The following BCO2 variants were observed in gnomAD, a reference collection of about 807,000 sequenced individuals.
The protein encoded by BCO2 is carotenoid-cleaving dioxygenase, mitochondrial.
BCO2 carries 56 observed loss-of-function variants against 65.8 expected under a neutral mutation model. The ratio of observed to expected loss-of-function variants is 0.85; its 90% CI spans 0.69 to 1.06. The LOEUF (loss-of-function observed/expected upper bound fraction) is 1.06, where lower values mean the gene tolerates loss of function less well. Ranked by LOEUF, BCO2 falls within the 50% of genes least tolerant of loss-of-function variation. BCO2 has a pLI of 0.00. For missense variants in BCO2, 675 were observed against 698.5 expected (o/e 0.97, Z 0.38); for synonymous variants, 233 against 242.3 (o/e 0.96, Z 0.36).
At chr11:112,206,042 A>G (rs1426928609) in intron 8 of BCO2, among the ~76,000 whole-genome samples, 4 of 152,260 alleles carry the variant, frequency 2.6e-5, no homozygotes, top group Non-Finnish European at 5.9e-5. Context: ...GACAGAAAAG[A>G]TCACACACAA....
At chr11:112,191,671 A>T (rs2135365788) in intron 2 of BCO2, among the ~76,000 whole-genome samples, 1 of 152,308 alleles carries the variant, frequency 6.6e-6, no homozygotes, top group East Asian at 1.9e-4. Flanking sequence ...CAAGAAAACA[A>T]TAAATTTTTT....
chr11:112,210,376 G>A (rs1347422598), intron 8 of BCO2, among the ~76,000 whole-genome samples: 2 of 152,170 alleles, frequency 1.3e-5, no homozygotes, highest in Non-Finnish European at 2.9e-5. Context: ...GACACAAGAT[G>A]ATGTTATTTT....
rs71060232 is a variant in BCO2 at position 112,211,319 on chromosome 11, TACACACACACACAC to T, written c.1195-2385_1195-2372del. On this transcript the variant is annotated intron_variant, in intron 8 of 11. Coordinates refer to ENST00000357685, the MANE Select transcript of BCO2 (RefSeq NM_031938.7). ...TAAGGTTAAATAATATTCGATTGTA[TACACACACACACAC>T]ACACACACACACACACACAATATTT... 5.0e-3 allele frequency among the ~76,000 whole-genome samples: 639 copies of T among 128,500 alleles called. 8 individuals are homozygous for T. The highest frequency in any genetic ancestry group is 7.7e-3 in the Non-Finnish European group (469 of 61,080). 84.3% of individuals were successfully genotyped at this position (128,500 alleles called of 152,430 possible).
chr11:112,182,228 T>C (rs971749172), intron 2 of BCO2, among the ~76,000 whole-genome samples: 5 of 152,058 alleles, frequency 3.3e-5, no homozygotes, highest in African/African-American at 1.2e-4. Flanking sequence ...TGTGGAGAAA[T>C]AGGAACACTT....
intron 5 of BCO2, 72 bp from the exon 6 acceptor site, chr11:112,199,627 C>T (rs987994196): frequency 2.9e-5 from 41 of 1,434,128 alleles, no homozygotes; most frequent in Non-Finnish European, 3.7e-5. Flanking sequence ...TTGGCAAGTC[C>T]ACAAGTGCAA....
At chr11:112,185,955 A>G (rs1321612003) in intron 2 of BCO2, among the ~76,000 whole-genome samples, 3 of 152,160 alleles carry the variant, frequency 2.0e-5, no homozygotes, top group African/African-American at 4.8e-5. Context: ...GGCAATCACC[A>G]TTCTAGCTTC....
chr11:112,188,242 G>A (rs1411287265), intron 2 of BCO2, among the ~76,000 whole-genome samples: 2 of 152,166 alleles, frequency 1.3e-5, no homozygotes, highest in African/African-American at 4.8e-5. Context: ...AGTCATTCAG[G>A]TCCAACATTT....
At chr11:112,201,243 G>C (rs1216095479) in intron 7 of BCO2, among the ~76,000 whole-genome samples, 1 of 151,952 alleles carries the variant, frequency 6.6e-6, no homozygotes, top group Admixed American at 6.6e-5. Context: ...CACCTCCCGG[G>C]TTCAAGTGAG....
At chr11:112,205,017 A>G (rs1489591066) in intron 8 of BCO2, among the ~76,000 whole-genome samples, 1 of 152,238 alleles carries the variant, frequency 6.6e-6, no homozygotes, top group Non-Finnish European at 1.5e-5. Context: ...TTGTAATAAT[A>G]CAGTATATAA....
intron 2 of BCO2, among the ~76,000 whole-genome samples, chr11:112,185,936 C>T (rs370647777): frequency 5.3e-5 from 8 of 152,306 alleles, no homozygotes; most frequent in African/African-American, 1.9e-4. Flanking sequence ...TTCCCTTCCT[C>T]TAACCCCTGG....
At chr11:112,216,123 A>G (rs1195872045) in intron 10 of BCO2, 97 bp from the exon 11 acceptor site, 2 of 813,520 alleles carry the variant, frequency 2.5e-6, no homozygotes, top group East Asian at 2.5e-5. Context: ...CATCCAAACT[A>G]CATCACAGCC....
At chr11:112,183,316 A>G in intron 2 of BCO2, 1 of 619,744 alleles carries the variant, frequency 1.6e-6, no homozygotes. Context: ...AAACATTTAG[A>G]GGATTATGCT....
intron 8 of BCO2, among the ~76,000 whole-genome samples, chr11:112,213,357 G>T (rs1859567549): frequency 6.6e-6 from 1 of 151,644 alleles, no homozygotes; most frequent in Non-Finnish European, 1.5e-5. Context: ...TGGTCAGGCT[G>T]GTCTTGAACT....
intron 2 of BCO2, among the ~76,000 whole-genome samples, chr11:112,180,397 A>G (rs993802888): frequency 6.6e-5 from 10 of 151,970 alleles, no homozygotes; most frequent in Non-Finnish European, 1.5e-4. Flanking sequence ...GGTATTTTTT[A>G]TTTGTTATTT....
At chr11:112,195,861 C>T (rs927959888) in intron 5 of BCO2, among the ~76,000 whole-genome samples, 4 of 152,136 alleles carry the variant, frequency 2.6e-5, no homozygotes, top group African/African-American at 7.2e-5. Context: ...TCAGGGATTC[C>T]GGTTTAGTAG....
chr11:112,176,821 A>G (rs1385593606), intron 1 of BCO2, among the ~76,000 whole-genome samples: 2 of 152,220 alleles, frequency 1.3e-5, no homozygotes, highest in Non-Finnish European at 2.9e-5. Flanking sequence ...GACATTAAGT[A>G]ACTTGCCCAA....
chr11:112,213,593 A>G, intron 8 of BCO2, 131 bp from the exon 9 acceptor site: 1 of 1,004,280 alleles, frequency 1.0e-6, no homozygotes, highest in Non-Finnish European at 1.5e-6. Flanking sequence ...AATATTAAGT[A>G]GATGAATGAA....
rs1339418719 is a variant in BCO2 at position 112,194,720 on chromosome 11, C to G, written c.701C>G (p.Thr234Arg). 1.9e-6 allele frequency: 3 copies of G among 1,612,154 alleles called. No homozygotes were observed. The highest frequency in any genetic ancestry group is 2.2e-5 in the East Asian group (1 of 44,846). Reference sequence around the variant, plus strand: ...CATCCTCATTATGACCTGGATGGAACAGCATACAATATGGGGAACTCCTTT... The same window carrying G: ...CATCCTCATTATGACCTGGATGGAAGAGCATACAATATGGGGAACTCCTTT... ...TAHPHYDLDGTAYNMGNSFGP... is the reference protein window; with the variant it reads ...TAHPHYDLDGRAYNMGNSFGP... The change falls in exon 5 of 12, where the codon ACA (threonine) becomes AGA (arginine). Residue 234 changes from threonine to arginine, a missense_variant. Physicochemically the swap from Thr to Arg is moderately conservative, Grantham distance 71. Coordinates refer to ENST00000357685, the MANE Select transcript of BCO2 (RefSeq NM_031938.7).
At chr11:112,181,424 G>T (rs549851863) in intron 2 of BCO2, 7 of 606,254 alleles carry the variant, frequency 1.2e-5, no homozygotes, top group South Asian at 4.7e-5. Context: ...CTCGTGATCC[G>T]CCCGCCTCGG....
Sources: gnomAD v4.1 joint callset for allele counts (sites outside exome capture counted in the v4.1 genomes callset) on GRCh38, gnomAD v4.1.1 for gene constraint, MANE v1.5 for transcripts, NCBI Gene and HGNC (gene_info 2026-07-23, HGNC 2026-07-21) for gene names.